Variants in RUNDC3B observed in about 807,000 individuals in gnomAD.
RUNDC3B encodes the protein RUN domain containing 3B.
A neutral mutation model predicts 58.4 loss-of-function variants in RUNDC3B; 33 were observed. The observed-to-expected ratio is 0.56, with a 90% confidence interval of 0.43 to 0.75. The LOEUF is 0.75. RUNDC3B is among the 30% of genes least tolerant of loss of function. The pLI, the probability that RUNDC3B is intolerant of heterozygous loss-of-function variation, is 0.00. For missense variants in RUNDC3B, 501 were observed against 535.7 expected (o/e 0.94, Z 0.64); for synonymous variants, 193 against 195.2 (o/e 0.99, Z 0.10).
intron 7 of RUNDC3B, among the ~76,000 whole-genome samples, chr7:87,774,716 A>G (rs996709061): frequency 4.6e-5 from 7 of 152,208 alleles, no homozygotes; most frequent in African/African-American, 1.4e-4. Flanking sequence ...AAAAACTATT[A>G]TGTATTGTTT....
In RUNDC3B at chr7:87,628,746, G is replaced by T; in HGVS notation, c.-78G>T. On this transcript the variant is annotated 5_prime_UTR_variant, in exon 1 of 11. Coordinates refer to ENST00000394654, the MANE Select transcript of RUNDC3B (RefSeq NM_001134405.2). ...TCCCGCGCCCCCACGGTTGCGGACCGAGCGAGAACCCCCTTAAGCAGGTGT... is the reference window on the plus strand; with the variant it reads ...TCCCGCGCCCCCACGGTTGCGGACCTAGCGAGAACCCCCTTAAGCAGGTGT... 1.1e-6 allele frequency: 1 copy of T among 923,008 alleles called. No individual in the cohort carries two copies. Among genetic ancestry groups the T allele is most frequent in the South Asian group, 5.6e-5 (1 of 17,796 alleles). 57.2% of individuals were successfully genotyped at this position (923,008 alleles called of 1,614,324 possible).
intron 8 of RUNDC3B, among the ~76,000 whole-genome samples, chr7:87,781,299 G>C (rs1418698397): frequency 2.1e-5 from 3 of 143,988 alleles, no homozygotes; most frequent in African/African-American, 7.5e-5. Flanking sequence ...ACCGTTATTG[G>C]TGTATAGAAG....
At chr7:87,714,827 A>C (rs940798761) in intron 4 of RUNDC3B, among the ~76,000 whole-genome samples, 4 of 151,858 alleles carry the variant, frequency 2.6e-5, no homozygotes, top group African/African-American at 9.7e-5. Flanking sequence ...CCATTCCTAG[A>C]GCTATGAACA....
chr7:87,827,325 T>G (rs971676402), intron 10 of RUNDC3B, among the ~76,000 whole-genome samples: 12 of 151,912 alleles, frequency 7.9e-5, no homozygotes, highest in Non-Finnish European at 1.5e-4. Context: ...CTGTCTCTAT[T>G]AAAAATACAA....
intron 4 of RUNDC3B, among the ~76,000 whole-genome samples, chr7:87,725,309 C>T (rs1831155297): frequency 6.6e-6 from 1 of 152,130 alleles, no homozygotes; most frequent in African/African-American, 2.4e-5. Flanking sequence ...TCTCATTGTT[C>T]AATTCGCACC....
At chr7:87,726,085 CT>C (rs57791713) in intron 4 of RUNDC3B, among the ~76,000 whole-genome samples, 152,021 of 152,042 alleles carry the variant, frequency 1, 76,000 homozygotes, top group Middle Eastern at 1. Flanking sequence ...TGCAGAAGCT[CT>C]TTAGTTTAAT....
At position 87,677,007 on chromosome 7, in the gene RUNDC3B, A is replaced by T. The variant is rs549452624; in HGVS notation, c.239-23414A>T. Among the ~76,000 whole-genome samples the T allele has an allele frequency of 7.2e-4, 109 of 152,296 alleles. No homozygotes were observed. The Middle Eastern group carries it at 0.01, about 14-fold the overall frequency. On this transcript the variant is annotated intron_variant, in intron 2 of 10. Coordinates refer to ENST00000394654, the MANE Select transcript of RUNDC3B (RefSeq NM_001134405.2). ...GTTGGCAAGGATGTGGAGAAAAGGG[A>T]ACCTTCCTACTCTATTGGTGGGAAT...
chr7:87,683,281 T>A (rs1203675623), intron 2 of RUNDC3B, among the ~76,000 whole-genome samples: 1 of 152,212 alleles, frequency 6.6e-6, no homozygotes. Flanking sequence ...AATAAGGCTC[T>A]TTCACTTCCT....
At chr7:87,801,737 C>G (rs989707837) in intron 8 of RUNDC3B, among the ~76,000 whole-genome samples, 2 of 152,084 alleles carry the variant, frequency 1.3e-5, no homozygotes, top group Admixed American at 1.3e-4. Context: ...CCACTGCACT[C>G]CTGGGCGAAA....
rs2373500 is a variant in RUNDC3B, at chr7:87,791,387, A to G, written c.956+13432A>G. 7.0e-3 allele frequency among the ~76,000 whole-genome samples: 1,073 copies of G among 152,262 alleles called. 10 individuals are homozygous for G. Among genetic ancestry groups the G allele is most frequent in the East Asian group, 0.049 (254 of 5,184 alleles). ...TGTTAATGAGTAAGAAGAAATTATC[A>G]GAAGGTATAAAACTCACTGGTAATA... On this transcript the variant is annotated intron_variant, in intron 8 of 10. Coordinates refer to ENST00000394654, the MANE Select transcript of RUNDC3B (RefSeq NM_001134405.2).
intron 5 of RUNDC3B, among the ~76,000 whole-genome samples, chr7:87,741,019 A>G (rs1362990990): frequency 1.3e-5 from 2 of 152,120 alleles, no homozygotes; most frequent in African/African-American, 4.8e-5. Context: ...AGCCTGGCCA[A>G]CGTGGCGAAA....
intron 2 of RUNDC3B, among the ~76,000 whole-genome samples, chr7:87,651,789 T>C (rs1299455870): frequency 6.6e-6 from 1 of 152,084 alleles, no homozygotes; most frequent in African/African-American, 2.4e-5. Flanking sequence ...AGTGTTTAAA[T>C]GAGTTGAGCA....
intron 2 of RUNDC3B, among the ~76,000 whole-genome samples, chr7:87,684,877 A>T (rs1001429624): frequency 2.0e-5 from 3 of 152,140 alleles, no homozygotes; most frequent in African/African-American, 7.2e-5. Context: ...ACCTTTAAGA[A>T]TAATAGGCTA....
At chr7:87,637,997 C>T (rs1405584935) in intron 1 of RUNDC3B, among the ~76,000 whole-genome samples, 1 of 151,818 alleles carries the variant, frequency 6.6e-6, no homozygotes, top group Non-Finnish European at 1.5e-5. Flanking sequence ...TTTCTTACTT[C>T]CCTTCTATTT....
intron 6 of RUNDC3B, among the ~76,000 whole-genome samples, chr7:87,748,529 T>G (rs968882339): frequency 3.3e-5 from 5 of 152,210 alleles, no homozygotes; most frequent in African/African-American, 1.2e-4. Flanking sequence ...CTTTATATAC[T>G]TCTAAAATTT....
intron 8 of RUNDC3B, among the ~76,000 whole-genome samples, chr7:87,780,400 T>C (rs1834861883): frequency 1.3e-5 from 2 of 152,220 alleles, no homozygotes; most frequent in Admixed American, 6.5e-5. Flanking sequence ...GTTGCTTGTA[T>C]GTCTTCTTTT....
chr7:87,795,365 G>A (rs1276341912), intron 8 of RUNDC3B, among the ~76,000 whole-genome samples: 1 of 152,190 alleles, frequency 6.6e-6, no homozygotes, highest in African/African-American at 2.4e-5. Flanking sequence ...TGGCAAACAG[G>A]CATATGAAAA....
At chr7:87,648,988 T>C (rs1823302113) in intron 1 of RUNDC3B, among the ~76,000 whole-genome samples, 1 of 152,152 alleles carries the variant, frequency 6.6e-6, no homozygotes, top group African/African-American at 2.4e-5. Flanking sequence ...CCGGATTGAA[T>C]AGCATAACTA....
At chr7:87,763,231 A>C (rs1366112810) in intron 6 of RUNDC3B, among the ~76,000 whole-genome samples, 1 of 151,582 alleles carries the variant, frequency 6.6e-6, no homozygotes, top group Non-Finnish European at 1.5e-5. Context: ...TTTTTGACAT[A>C]TGCTTTTGAT....
Sources: allele counts gnomAD v4.1 joint callset (sites outside exome capture counted in the v4.1 genomes callset), GRCh38; gene constraint gnomAD v4.1.1; transcripts MANE v1.5; gene names NCBI Gene and HGNC (gene_info 2026-07-23, HGNC 2026-07-21).